Variants in ADK observed in about 807,000 individuals in gnomAD.
ADK encodes N6,N6-dimethyladenosine kinase.
A neutral mutation model predicts 44.7 loss-of-function variants in ADK; 24 were observed. That is an observed-to-expected ratio of 0.54 (90% CI 0.39 to 0.76). ADK has a LOEUF of 0.76. Ranked by LOEUF, ADK falls within the 30% of genes least tolerant of loss-of-function variation. The probability of loss-of-function intolerance (pLI) is 0.00; values close to 1 mark genes in which losing one functional copy is unlikely to be tolerated. For synonymous variants in ADK, 128 were observed against 142.6 expected (o/e 0.90, Z 0.73); for missense variants, 321 against 425.1 (o/e 0.76, Z 2.15).
intron 4 of ADK, among the ~76,000 whole-genome samples, chr10:74,386,212 C>A (rs1007143362): frequency 6.6e-5 from 10 of 152,034 alleles, no homozygotes; most frequent in Admixed American, 1.3e-4. Context: ...CATTTAATTT[C>A]TTTTAGTTGT....
intron 4 of ADK, among the ~76,000 whole-genome samples, chr10:74,366,022 G>T (rs1842487959): frequency 6.6e-6 from 1 of 152,066 alleles, no homozygotes; most frequent in Non-Finnish European, 1.5e-5. Context: ...ATCTTTTTGG[G>T]AGAAATGTAT....
intron 6 of ADK, among the ~76,000 whole-genome samples, chr10:74,424,234 A>G (rs1844694984): frequency 6.6e-6 from 1 of 152,024 alleles, no homozygotes; most frequent in African/African-American, 2.4e-5. Flanking sequence ...GTACTTAAAC[A>G]CTTGTCTAAA....
In ADK at chr10:74,686,222, A is replaced by C. The variant is rs536191208; in HGVS notation, c.964+15953A>C. ...CTGATCTGCCCGCCTAGGCCTCCCA[A>C]AGTGCTGGGATTACAGGTGTGAACC... On this transcript the variant is annotated intron_variant, in intron 10 of 10. Coordinates refer to ENST00000539909, the MANE Select transcript of ADK (RefSeq NM_006721.4). 3.3e-5 allele frequency among the ~76,000 whole-genome samples: 5 copies of C among 152,098 alleles called. No homozygotes were observed. The South Asian group carries it at 1.0e-3, about 32-fold the overall frequency.
chr10:74,218,999 T>A (rs1214453303), intron 2 of ADK, among the ~76,000 whole-genome samples: 4 of 151,898 alleles, frequency 2.6e-5, no homozygotes, highest in African/African-American at 9.7e-5. Context: ...TAATGACAGG[T>A]TCAAATTCAC....
At chr10:74,391,652 TACACACACACACACAC>T (rs71475280) in intron 4 of ADK, among the ~76,000 whole-genome samples, 19 of 74,300 alleles carry the variant, frequency 2.6e-4, no homozygotes, top group South Asian at 2.2e-3. Context: ...GGCAAGAATA[TACACACACACACACAC>T]ACACACACAC....
chr10:74,561,198 G>C (rs527399450), intron 7 of ADK, among the ~76,000 whole-genome samples: 1 of 152,290 alleles, frequency 6.6e-6, no homozygotes, highest in South Asian at 2.1e-4. Flanking sequence ...TCATCTGTGA[G>C]TTTGTGAATC....
intron 7 of ADK, among the ~76,000 whole-genome samples, chr10:74,527,050 T>C (rs1849069463): frequency 6.6e-6 from 1 of 152,128 alleles, no homozygotes; most frequent in Admixed American, 6.6e-5. Flanking sequence ...ATCTTAAAAC[T>C]TTTAAAAAAG....
At chr10:74,236,098 C>T (rs1352170729) in intron 3 of ADK, among the ~76,000 whole-genome samples, 1 of 152,224 alleles carries the variant, frequency 6.6e-6, no homozygotes, top group African/African-American at 2.4e-5. Flanking sequence ...AACTAAGACA[C>T]TCCCCTAAAC....
At chr10:74,429,868 T>C (rs955971983) in intron 6 of ADK, among the ~76,000 whole-genome samples, 2 of 152,218 alleles carry the variant, frequency 1.3e-5, no homozygotes, top group African/African-American at 4.8e-5. Context: ...ATCGGGAGCA[T>C]ATGTTAAAAT....
intron 2 of ADK, among the ~76,000 whole-genome samples, chr10:74,207,994 AGAGGGGGCT>A (rs540416800): frequency 8.7e-4 from 133 of 152,306 alleles, no homozygotes; most frequent in African/African-American, 3.1e-3. Context: ...CCTAAAGTCC[AGAGGGGGCT>A]GAGGGGGCAG....
chr10:74,412,388 A>G (rs1844214076), intron 6 of ADK, among the ~76,000 whole-genome samples: 1 of 152,066 alleles, frequency 6.6e-6, no homozygotes, highest in Non-Finnish European at 1.5e-5. Context: ...TGATCCTCCC[A>G]CTGCGGCCTC....
At chr10:74,323,207 CA>C (rs1380309376) in intron 4 of ADK, among the ~76,000 whole-genome samples, 3 of 152,092 alleles carry the variant, frequency 2.0e-5, no homozygotes, top group African/African-American at 7.2e-5. Context: ...AATTCAGAAA[CA>C]TTTTTTTTTG....
chr10:74,546,161 T>C (rs1432291381), intron 7 of ADK, among the ~76,000 whole-genome samples: 1 of 152,116 alleles, frequency 6.6e-6, no homozygotes, highest in East Asian at 1.9e-4. Context: ...TACTGAAAAA[T>C]AAACTAGCAG....
intron 7 of ADK, among the ~76,000 whole-genome samples, chr10:74,563,290 C>T (rs1205163821): frequency 6.6e-6 from 1 of 152,202 alleles, no homozygotes; most frequent in East Asian, 1.9e-4. Context: ...TGTACATGCT[C>T]TTCCCTCTGC....
intron 9 of ADK, chr10:74,655,114 TTGGG>T: frequency 3.4e-6 from 1 of 290,854 alleles, no homozygotes; most frequent in Admixed American, 3.8e-5. Flanking sequence ...GGGGTTGAGG[TTGGG>T]GGTCAAGAAG....
chr10:74,172,144 T>TC (rs1842179654), intron 1 of ADK, among the ~76,000 whole-genome samples: 6 of 151,282 alleles, frequency 4.0e-5, no homozygotes, highest in Middle Eastern at 3.4e-3. Flanking sequence ...TTTCTTTTTT[T>TC]TTTTTTTTTT....
chr10:74,592,188 A>C (rs1286929874), intron 8 of ADK, among the ~76,000 whole-genome samples: 1 of 152,150 alleles, frequency 6.6e-6, no homozygotes, highest in Non-Finnish European at 1.5e-5. Flanking sequence ...AAAATTGCAT[A>C]GTGCCTGATT....
chr10:74,371,413 AT>A (rs1842653860), intron 4 of ADK: 1 of 597,948 alleles, frequency 1.7e-6, no homozygotes, highest in Non-Finnish European at 3.0e-6. Context: ...CCAAACAAAA[AT>A]CTTAAGCAGT....
Position 74,660,119 on chromosome 10 carries a change from T to A in ADK, c.878-10064T>A, listed in dbSNP as rs928437079. On this transcript the variant is annotated intron_variant, in intron 9 of 10. Transcript: ENST00000539909. ...AAATCCTGTAAGTACCTGCAAATGC[T>A]ATTATTGTTCCTTTTTTCTTTCTTT... Among the ~76,000 whole-genome samples the A allele has an allele frequency of 8.5e-5, 13 of 152,280 alleles. No individual in the cohort carries two copies. In the South Asian group the frequency reaches 1.5e-3, roughly 17 times the overall value.
Sources: gnomAD v4.1 joint callset for allele counts (sites outside exome capture counted in the v4.1 genomes callset) on GRCh38, gnomAD v4.1.1 for gene constraint, MANE v1.5 for transcripts, NCBI Gene and HGNC (gene_info 2026-07-23, HGNC 2026-07-21) for gene names.